Variants in IMMP2L observed in about 807,000 individuals in gnomAD.
The protein encoded by IMMP2L is inner mitochondrial membrane peptidase subunit 2.
Under a neutral mutation model 19.3 loss-of-function variants are expected in IMMP2L, and 18 were observed. That is an observed-to-expected ratio of 0.93 (90% CI 0.64 to 1.38). IMMP2L has a LOEUF of 1.38. Ranked by LOEUF, IMMP2L falls within the 40% of genes most tolerant of loss-of-function variation. The pLI is 0.00. For missense variants in IMMP2L, 233 were observed against 218.2 expected, an observed-to-expected ratio of 1.07 and a Z score of -0.43; for synonymous variants, 76 against 73.0, an observed-to-expected ratio of 1.04 and a Z score of -0.21.
chr7:110,807,303 A>G (rs1801700369), intron 5 of IMMP2L, among the ~76,000 whole-genome samples: 1 of 152,016 alleles, frequency 6.6e-6, no homozygotes, highest in Admixed American at 6.6e-5. Flanking sequence ...GTTCATTCTT[A>G]TTCTCAACCC....
chr7:110,812,554 G>A lies in IMMP2L; in HGVS notation c.408+74039C>T, dbSNP rs368810087. 7.9e-5 allele frequency among the ~76,000 whole-genome samples: 12 copies of A among 152,002 alleles called. No homozygotes were observed. In the East Asian group the frequency reaches 2.3e-3, roughly 30 times the overall value. ...GGCATCAGAAGGCTTTATTTAGCAG[G>A]AGGACAAGGCATATGTTGGTTCTAA... On this transcript the variant is annotated intron_variant, in intron 5 of 5. Coordinates refer to ENST00000405709, the MANE Select transcript of IMMP2L (RefSeq NM_032549.4).
intron 5 of IMMP2L, among the ~76,000 whole-genome samples, chr7:110,701,751 A>T (rs1425457530): frequency 6.6e-6 from 1 of 152,120 alleles, no homozygotes; most frequent in East Asian, 1.9e-4. Context: ...ATCCCATTTT[A>T]AAGATGAGAA....
chr7:111,160,840 G>T (rs1484487077), intron 3 of IMMP2L, among the ~76,000 whole-genome samples: 2 of 150,776 alleles, frequency 1.3e-5, no homozygotes, highest in African/African-American at 4.8e-5. Flanking sequence ...AAAAAACAAA[G>T]AATTCAGATA....
intron 3 of IMMP2L, among the ~76,000 whole-genome samples, chr7:111,345,677 G>C (rs916825753): frequency 6.6e-6 from 1 of 152,110 alleles, no homozygotes; most frequent in Non-Finnish European, 1.5e-5. Flanking sequence ...AGATTATCTA[G>C]TGGGATTCTG....
At chr7:111,398,040 C>A (rs1377444338) in intron 3 of IMMP2L, among the ~76,000 whole-genome samples, 2 of 152,030 alleles carry the variant, frequency 1.3e-5, no homozygotes, top group Non-Finnish European at 2.9e-5. Flanking sequence ...ATTTTGTATA[C>A]AGAATTGGAG....
At position 110,845,981 on chromosome 7, in the gene IMMP2L, C is replaced by T. The variant is rs190235552; in HGVS notation, c.408+40612G>A. Reference sequence around the variant, plus strand: ...AATCTGCCAGCACACTCATCTTGTACTTTCCAGCCTGCACAACTGTGGAGA... The same window carrying T: ...AATCTGCCAGCACACTCATCTTGTATTTTCCAGCCTGCACAACTGTGGAGA... On this transcript the variant is annotated intron_variant, in intron 5 of 5. Coordinates refer to ENST00000405709, the MANE Select transcript of IMMP2L (RefSeq NM_032549.4). Among the ~76,000 whole-genome samples the T allele has an allele frequency of 4.6e-5, 7 of 152,278 alleles. No homozygotes were observed. The East Asian group carries it at 1.4e-3, about 29-fold the overall frequency.
chr7:111,433,511 A>G (rs1156575078), intron 3 of IMMP2L, among the ~76,000 whole-genome samples: 1 of 151,800 alleles, frequency 6.6e-6, no homozygotes, highest in African/African-American at 2.4e-5. Context: ...ATTCACTACA[A>G]TGAGAACTGA....
At chr7:111,280,999 G>A (rs960819529) in intron 3 of IMMP2L, among the ~76,000 whole-genome samples, 5 of 151,842 alleles carry the variant, frequency 3.3e-5, no homozygotes, top group African/African-American at 1.2e-4. Context: ...GAACCCAGTA[G>A]GCAGAGCTTG....
At chr7:111,334,094 T>A (rs1826153589) in intron 3 of IMMP2L, among the ~76,000 whole-genome samples, 1 of 152,000 alleles carries the variant, frequency 6.6e-6, no homozygotes, top group Non-Finnish European at 1.5e-5. Context: ...TATCAAAAAT[T>A]TTTATTTTTA....
At chr7:111,504,623 G>T (rs1407496443) in intron 2 of IMMP2L, among the ~76,000 whole-genome samples, 1 of 152,216 alleles carries the variant, frequency 6.6e-6, no homozygotes, top group Middle Eastern at 3.4e-3. Context: ...CCAAAACAGA[G>T]ATATAGATTA....
intron 3 of IMMP2L, among the ~76,000 whole-genome samples, chr7:111,223,729 T>C: frequency 6.6e-6 from 1 of 152,108 alleles, no homozygotes; most frequent in Middle Eastern, 3.2e-3. Context: ...GCAGTTCTTC[T>C]TGCAGCTGAA....
At chr7:111,122,599 C>T in intron 3 of IMMP2L, 1 of 587,510 alleles carries the variant, frequency 1.7e-6, no homozygotes, top group Non-Finnish European at 3.0e-6. Context: ...CATTTTTGGA[C>T]AATGCAATTG....
At chr7:110,737,867 C>T (rs1039335518) in intron 5 of IMMP2L, among the ~76,000 whole-genome samples, 9 of 152,226 alleles carry the variant, frequency 5.9e-5, no homozygotes, top group African/African-American at 2.2e-4. Flanking sequence ...GACCTGAAGA[C>T]AGATTACATC....
intron 5 of IMMP2L, among the ~76,000 whole-genome samples, chr7:110,761,584 G>GA (rs1798351976): frequency 6.6e-6 from 1 of 152,126 alleles, no homozygotes; most frequent in Admixed American, 6.6e-5. Context: ...AAATTTTTAT[G>GA]AAAATAACCA....
chr7:111,367,358 C>G (rs1343274731), intron 3 of IMMP2L, among the ~76,000 whole-genome samples: 3 of 151,886 alleles, frequency 2.0e-5, no homozygotes, highest in Admixed American at 6.6e-5. Flanking sequence ...TCCGGAGTAA[C>G]AATCATTAAT....
At chr7:111,312,081 C>A (rs562996709) in intron 3 of IMMP2L, among the ~76,000 whole-genome samples, 1 of 152,254 alleles carries the variant, frequency 6.6e-6, no homozygotes, top group East Asian at 1.9e-4. Context: ...GATAAACCCA[C>A]TGCAACATTC....
chr7:110,738,098 C>T lies in IMMP2L; in HGVS notation c.409-74377G>A, dbSNP rs112459124. On this transcript the variant is annotated intron_variant, in intron 5 of 5. Coordinates refer to ENST00000405709, the MANE Select transcript of IMMP2L (RefSeq NM_032549.4). ...AGATCTTCCCTCTGATGTAGTCTAC[C>T]CAAATGAGAAGAAAGCAGAAAAACA... is the stretch of plus-strand genomic sequence containing the variant. 7.5e-4 allele frequency among the ~76,000 whole-genome samples: 114 copies of T among 152,178 alleles called. 1 individual carries two copies. In the Middle Eastern group the frequency reaches 0.014, roughly 18 times the overall value.
intron 3 of IMMP2L, among the ~76,000 whole-genome samples, chr7:111,226,650 TTC>T (rs749384424): frequency 2.6e-4 from 40 of 152,080 alleles, no homozygotes; most frequent in Non-Finnish European, 5.3e-4. Flanking sequence ...AATGTAAAAT[TTC>T]TCTTTATAGC....
At chr7:110,991,196 A>C (rs1180644627) in intron 3 of IMMP2L, among the ~76,000 whole-genome samples, 1 of 152,114 alleles carries the variant, frequency 6.6e-6, no homozygotes, top group East Asian at 1.9e-4. Context: ...AGCCTTGACA[A>C]AGCATCTCTG....
Sources: gnomAD v4.1 joint callset for allele counts (sites outside exome capture counted in the v4.1 genomes callset) on GRCh38, gnomAD v4.1.1 for gene constraint, MANE v1.5 for transcripts, NCBI Gene and HGNC (gene_info 2026-07-23, HGNC 2026-07-21) for gene names.